The following FAM13B variants were observed in gnomAD, a reference collection of about 807,000 sequenced individuals.
The protein encoded by FAM13B is family with sequence similarity 13 member B.
Under a neutral mutation model 117.3 loss-of-function variants are expected in FAM13B, and 60 were observed. That is an observed-to-expected ratio of 0.51 (90% CI 0.42 to 0.63). The LOEUF is 0.63. FAM13B is among the 30% of genes least tolerant of loss of function. The probability of loss-of-function intolerance (pLI) is 0.00; values close to 1 mark genes in which losing one functional copy is unlikely to be tolerated. For synonymous variants in FAM13B, 332 were observed against 356.1 expected, an observed-to-expected ratio of 0.93 and a Z score of 0.76; for missense variants, 972 against 1,091.9, an observed-to-expected ratio of 0.89 and a Z score of 1.55.
chr5:138,047,839 G>C (rs900579573), intron 1 of FAM13B, among the ~76,000 whole-genome samples: 10 of 152,322 alleles, frequency 6.6e-5, no homozygotes, highest in African/African-American at 2.4e-4. Flanking sequence ...CTTTCCTATA[G>C]ACCCCTAGAT....
chr5:137,965,488 A>G (rs1229317668), intron 10 of FAM13B, among the ~76,000 whole-genome samples: 2 of 152,330 alleles, frequency 1.3e-5, no homozygotes, highest in African/African-American at 4.8e-5. Context: ...TTAGGGGTCC[A>G]TAATTGGTGC....
chr5:137,967,395 G>A (rs1265609044), intron 10 of FAM13B, among the ~76,000 whole-genome samples: 1 of 152,066 alleles, frequency 6.6e-6, no homozygotes, highest in Non-Finnish European at 1.5e-5. Context: ...GTGGTGGCAG[G>A]TGCCTGCAAT....
chr5:137,957,494 C>T (rs989433055), intron 13 of FAM13B, among the ~76,000 whole-genome samples: 1 of 148,860 alleles, frequency 6.7e-6, no homozygotes, highest in Non-Finnish European at 1.5e-5. Flanking sequence ...GAGCTGAGAT[C>T]GCCCCACTGC....
chr5:137,968,756 C>T (rs1770954365), intron 10 of FAM13B, among the ~76,000 whole-genome samples: 1 of 152,200 alleles, frequency 6.6e-6, no homozygotes, highest in African/African-American at 2.4e-5. Context: ...GTGCGTGCAT[C>T]GTGCGCGAGC....
chr5:137,993,444 T>C (rs1779129227), intron 7 of FAM13B, among the ~76,000 whole-genome samples: 1 of 151,890 alleles, frequency 6.6e-6, no homozygotes, highest in South Asian at 2.1e-4. Context: ...CTGGGCAACA[T>C]AGCAAAACCG....
At chr5:137,959,279 C>G (rs1016945587) in intron 13 of FAM13B, among the ~76,000 whole-genome samples, 4 of 152,152 alleles carry the variant, frequency 2.6e-5, no homozygotes, top group African/African-American at 9.7e-5. Flanking sequence ...GATCCCTAAG[C>G]CTTAACATAC....
At chr5:138,040,348 T>A (rs983673051) in intron 1 of FAM13B, among the ~76,000 whole-genome samples, 1 of 145,162 alleles carries the variant, frequency 6.9e-6, no homozygotes, top group Non-Finnish European at 1.5e-5. Context: ...GGCGGGCCGA[T>A]CACAAGGTCA....
chr5:137,967,990 G>A (rs1485366258), intron 10 of FAM13B, among the ~76,000 whole-genome samples: 2 of 152,156 alleles, frequency 1.3e-5, no homozygotes, highest in African/African-American at 4.8e-5. Flanking sequence ...TTTGGAGGCT[G>A]AGGAGGGCGG....
At position 138,010,854 on chromosome 5, in the gene FAM13B, A is replaced by C. The variant is rs149239462; in HGVS notation, c.690+154T>G. Among the ~76,000 whole-genome samples, 623 of 151,680 alleles carry C rather than the reference A, an allele frequency of 4.1e-3. 6 individuals carry two copies. Among genetic ancestry groups the C allele is most frequent in the African/African-American group, 0.015 (606 of 41,364 alleles). On this transcript the variant is annotated intron_variant, in intron 6 of 23. Transcript: ENST00000689681. ...ATGTTGTTCAGGAAAAAAATCATGAATGTGCCACCTACTGATTACATATAA... is the reference window on the plus strand; with the variant it reads ...ATGTTGTTCAGGAAAAAAATCATGACTGTGCCACCTACTGATTACATATAA...
In FAM13B at chr5:137,970,495, A is replaced by G. The variant is rs559918768; in HGVS notation, c.1180-8026T>C. ...TGGAAAGGAACAACCGGTACCAGCC[A>G]CTGCAAAATCATGCCAAAATGTAAA... On this transcript the variant is annotated intron_variant, in intron 10 of 23. Coordinates refer to ENST00000689681, the MANE Select transcript of FAM13B (RefSeq NM_001385994.1). Among the ~76,000 whole-genome samples, 13 of 152,312 alleles carry G rather than the reference A, an allele frequency of 8.5e-5. No individual in the cohort carries two copies. The South Asian group carries it at 1.7e-3, about 19-fold the overall frequency.
chr5:137,993,513 T>C (rs1669081194), intron 7 of FAM13B, among the ~76,000 whole-genome samples: 1 of 151,838 alleles, frequency 6.6e-6, no homozygotes, highest in African/African-American at 2.4e-5. Context: ...CTGAGCATGG[T>C]GGCTCATGCC....
At chr5:138,011,237 A>T in intron 5 of FAM13B, 88 bp from the exon 6 acceptor site, 1 of 1,229,758 alleles carries the variant, frequency 8.1e-7, no homozygotes, top group Non-Finnish European at 1.1e-6. Flanking sequence ...CTTTATGAAC[A>T]TGGGCAATTT....
intron 7 of FAM13B, among the ~76,000 whole-genome samples, chr5:137,995,856 C>T (rs1263429849): frequency 6.6e-6 from 1 of 152,092 alleles, no homozygotes; most frequent in African/African-American, 2.4e-5. Context: ...TTTTTTTTAA[C>T]TCTAATAAAA....
At chr5:138,009,105 A>G (rs1783294650) in intron 6 of FAM13B, among the ~76,000 whole-genome samples, 1 of 152,248 alleles carries the variant, frequency 6.6e-6, no homozygotes, top group Admixed American at 6.5e-5. Flanking sequence ...GCACCACTGC[A>G]CTCCAGCCTG....
At chr5:137,962,287 T>C in intron 11 of FAM13B, 118 bp downstream of exon 11, 1 of 781,698 alleles carries the variant, frequency 1.3e-6, no homozygotes, top group South Asian at 1.9e-5. Context: ...AGAAGGCTGT[T>C]TAAGATTATC....
chr5:138,036,325 T>C (rs1032239291), upstream of FAM13B: 8 of 451,242 alleles, frequency 1.8e-5, no homozygotes, highest in Admixed American at 1.4e-4. Context: ...CAGCTCTGTA[T>C]GGCCCACACC....
At chr5:137,941,843 ATAT>A in intron 23 of FAM13B, 98 bp downstream of exon 23, 1 of 971,236 alleles carries the variant, frequency 1.0e-6, no homozygotes, top group Non-Finnish European at 1.6e-6. Flanking sequence ...CTAGCATCCT[ATAT>A]GCACAATTTC....
chr5:137,985,049 G>C (rs879909409), intron 10 of FAM13B, among the ~76,000 whole-genome samples: 3 of 152,120 alleles, frequency 2.0e-5, no homozygotes, highest in African/African-American at 4.8e-5. Context: ...GATTACAGGC[G>C]TGAGCCACCA....
intron 1 of FAM13B, among the ~76,000 whole-genome samples, chr5:138,023,435 C>A (rs1787316873): frequency 1.3e-5 from 2 of 152,104 alleles, no homozygotes; most frequent in East Asian, 3.8e-4. Context: ...CACAGTCCAC[C>A]CAGATAATAA....
Sources: gnomAD v4.1 joint callset for allele counts (sites outside exome capture counted in the v4.1 genomes callset) on GRCh38, gnomAD v4.1.1 for gene constraint, MANE v1.5 for transcripts, NCBI Gene and HGNC (gene_info 2026-07-23, HGNC 2026-07-21) for gene names.